Variants in SEMA6A observed in about 807,000 individuals in gnomAD.
SEMA6A encodes semaphorin-6A.
A neutral mutation model predicts 96.8 loss-of-function variants in SEMA6A; 25 were observed. That is an observed-to-expected ratio of 0.26 (90% confidence interval 0.19 to 0.36). The LOEUF is 0.36. Ranked by LOEUF, SEMA6A falls within the 10% of genes least tolerant of loss-of-function variation. The pLI is 1.00. For synonymous variants in SEMA6A, 612 were observed against 518.0 expected, an observed-to-expected ratio of 1.18 and a Z score of -2.46; for missense variants, 1,363 against 1,323.1, an observed-to-expected ratio of 1.03 and a Z score of -0.47.
chr5:116,498,157 T>C (rs2252892), intron 3 of SEMA6A, among the ~76,000 whole-genome samples: 120,323 of 152,016 alleles, frequency 0.79, 47,720 homozygotes, highest in East Asian at 0.91. Flanking sequence ...GTCTGGAATT[T>C]GTAAGAAAGA....
rs779343881 is a variant in SEMA6A, at chr5:116,447,379, TCGCGGCTGC to T, written c.2318_2326del (p.Gly773_Arg775del). 1 of 1,614,030 alleles carries T rather than the reference TCGCGGCTGC, an allele frequency of 6.2e-7. No individual in the cohort carries two copies. The highest frequency in any genetic ancestry group is 2.2e-5 in the East Asian group (1 of 44,878). On this transcript the variant is annotated inframe_deletion, in exon 19 of 19. Transcript: ENST00000343348. ...GATGAGGTTCTGGTTCCTCTCCCAC[TCGCGGCTGC>T]CGCGGCTGGGCTTCCGCTTCTGCTG...
intron 18 of SEMA6A, among the ~76,000 whole-genome samples, chr5:116,454,351 C>A (rs1406748997): frequency 1.3e-5 from 2 of 152,266 alleles, no homozygotes; most frequent in South Asian, 4.1e-4. Flanking sequence ...TAAGACAAGC[C>A]TACAATTTCC....
chr5:116,536,923 A>G (rs1359935299), intron 1 of SEMA6A, among the ~76,000 whole-genome samples: 1 of 150,280 alleles, frequency 6.7e-6, no homozygotes, highest in Non-Finnish European at 1.5e-5. Flanking sequence ...TGTGCTGTAC[A>G]AAGGCAGCAC....
chr5:116,538,276 C>T (rs1759813403), intron 1 of SEMA6A, among the ~76,000 whole-genome samples: 1 of 152,120 alleles, frequency 6.6e-6, no homozygotes, highest in Non-Finnish European at 1.5e-5. Flanking sequence ...TCTGTATGGG[C>T]TCATTGGTTT....
At chr5:116,530,648 C>T (rs1287526547) in intron 1 of SEMA6A, among the ~76,000 whole-genome samples, 1 of 151,970 alleles carries the variant, frequency 6.6e-6, no homozygotes, top group Non-Finnish European at 1.5e-5. Flanking sequence ...TAAGATAAAA[C>T]TGTATACAGT....
intron 18 of SEMA6A, among the ~76,000 whole-genome samples, chr5:116,451,217 A>G (rs1380887091): frequency 2.6e-5 from 4 of 152,198 alleles, no homozygotes; most frequent in African/African-American, 9.7e-5. Flanking sequence ...AATAGGAAAG[A>G]GCTTAAATGC....
In SEMA6A at chr5:116,504,945, A is replaced by C; in HGVS notation, c.-1T>G. The C allele has an allele frequency of 1.3e-6, 2 of 1,586,544 alleles. No homozygotes were observed. The highest frequency in any genetic ancestry group is 1.7e-6 in the Non-Finnish European group (2 of 1,165,136). ...ATAGCAGCAAGGCTTCTGACCTCATAGTAGTTCAGCGGGGAGACTTTATTT... is the reference window on the plus strand; with the variant it reads ...ATAGCAGCAAGGCTTCTGACCTCATCGTAGTTCAGCGGGGAGACTTTATTT... On this transcript the variant is annotated 5_prime_UTR_variant, in exon 2 of 19. Coordinates refer to ENST00000343348, the MANE Select transcript of SEMA6A (RefSeq NM_020796.5).
intron 1 of SEMA6A, among the ~76,000 whole-genome samples, chr5:116,553,960 G>A (rs1178818757): frequency 6.6e-6 from 1 of 152,184 alleles, no homozygotes; most frequent in Non-Finnish European, 1.5e-5. Flanking sequence ...GGAAATATCT[G>A]TAGTGGAGCA....
chr5:116,491,954 T>C (rs1165072106), intron 6 of SEMA6A, 124 bp from the exon 7 acceptor site: 17 of 705,160 alleles, frequency 2.4e-5, no homozygotes, highest in Middle Eastern at 3.6e-4. Flanking sequence ...ATGGACCCTG[T>C]TGAAGCCACT....
chr5:116,475,706 T>C (rs970436689), intron 15 of SEMA6A, 103 bp from the exon 16 acceptor site: 2 of 749,982 alleles, frequency 2.7e-6, no homozygotes, highest in Non-Finnish European at 4.3e-6. Flanking sequence ...GTTTGATAAA[T>C]TGAGTGGCAG....
intron 6 of SEMA6A, among the ~76,000 whole-genome samples, chr5:116,495,186 C>T (rs536324558): frequency 1.3e-5 from 2 of 152,298 alleles, no homozygotes; most frequent in East Asian, 3.9e-4. Context: ...CTTACAGAAA[C>T]TAACTTTGCT....
At chr5:116,563,634 T>C (rs1387986549) in intron 1 of SEMA6A, among the ~76,000 whole-genome samples, 1 of 152,268 alleles carries the variant, frequency 6.6e-6, no homozygotes, top group Non-Finnish European at 1.5e-5. Context: ...TTAAGCTACG[T>C]GTGCAATGTT....
At chr5:116,562,681 T>C in intron 1 of SEMA6A, 1 of 716,836 alleles carries the variant, frequency 1.4e-6, no homozygotes, top group Non-Finnish European at 2.6e-6. Context: ...ATGACACTTT[T>C]GTCCATGTCA....
chr5:116,551,571 G>A (rs954786460), intron 1 of SEMA6A, among the ~76,000 whole-genome samples: 1 of 152,160 alleles, frequency 6.6e-6, no homozygotes, highest in South Asian at 2.1e-4. Context: ...GAGGCCCAAG[G>A]AGGTTAAGGA....
chr5:116,497,349 G>A lies in SEMA6A; in HGVS notation c.257C>T (p.Thr86Met), dbSNP rs377640805. 48 of 1,597,940 alleles carry A rather than the reference G, an allele frequency of 3.0e-5. No homozygotes were observed. The highest frequency in any genetic ancestry group is 9.4e-5 in the African/African-American group (7 of 74,528). ...TACTTTGCTACAATAAATTTCTTCCGTGTGTGATGTGTCTATATCAACAGT... is the reference window on the plus strand; with the variant it reads ...TACTTTGCTACAATAAATTTCTTCCATGTGTGATGTGTCTATATCAACAGT... ...IYTVDIDTSHTEEIYCSKKLT... is the reference protein window; with the variant it reads ...IYTVDIDTSHMEEIYCSKKLT... Residue 86 changes from threonine to methionine, a missense_variant, in exon 4 of 19, where the codon ACG becomes ATG. Transcript: ENST00000343348.
chr5:116,528,053 T>C (rs1237265439), intron 1 of SEMA6A, among the ~76,000 whole-genome samples: 1 of 152,180 alleles, frequency 6.6e-6, no homozygotes, highest in Non-Finnish European at 1.5e-5. Flanking sequence ...ATCATTTAGG[T>C]GAATCTAGTT....
At chr5:116,535,529 C>A (rs1352276182) in intron 1 of SEMA6A, among the ~76,000 whole-genome samples, 2 of 152,154 alleles carry the variant, frequency 1.3e-5, no homozygotes, top group Non-Finnish European at 2.9e-5. Flanking sequence ...CAAGGTAATA[C>A]CACAGTTATG....
At chr5:116,490,137 C>G (rs1757261879) in intron 7 of SEMA6A, among the ~76,000 whole-genome samples, 2 of 151,894 alleles carry the variant, frequency 1.3e-5, no homozygotes. Flanking sequence ...TAAAATTTGT[C>G]CAGGTTCAAT....
rs1054367644 is a variant in SEMA6A, at chr5:116,462,349, G to A, written c.1894+5234C>T. Among the ~76,000 whole-genome samples the A allele has an allele frequency of 7.2e-5, 11 of 152,114 alleles. No individual in the cohort carries two copies. In the South Asian group the frequency reaches 8.3e-4, roughly 11 times the overall value. On this transcript the variant is annotated intron_variant, in intron 18 of 18. Coordinates refer to ENST00000343348, the MANE Select transcript of SEMA6A (RefSeq NM_020796.5). ...GTCAAGGGTAAGCTATTGCCAGGCC[G>A]GGCAACACTGTGTAGCACAAGAGTC...
Sources: allele counts gnomAD v4.1 joint callset (sites outside exome capture counted in the v4.1 genomes callset), GRCh38; gene constraint gnomAD v4.1.1; transcripts MANE v1.5; gene names NCBI Gene and HGNC (gene_info 2026-07-23, HGNC 2026-07-21).